Variants in ONECUT2 observed in about 807,000 individuals in gnomAD.
The protein encoded by ONECUT2 is one cut homeobox 2.
A neutral mutation model predicts 27.9 loss-of-function variants in ONECUT2; 10 were observed. That is an observed-to-expected ratio of 0.36 (90% confidence interval 0.22 to 0.61). The LOEUF is 0.61. ONECUT2 is among the 20% of genes least tolerant of loss of function. The pLI, the probability that ONECUT2 is intolerant of heterozygous loss-of-function variation, is 0.73. For missense variants in ONECUT2, 686 were observed against 721.0 expected (o/e 0.95, Z 0.56); for synonymous variants, 334 against 315.1 (o/e 1.06, Z -0.64).
In ONECUT2 at chr18:57,485,302, A is replaced by G. The variant is rs2050432814; in HGVS notation, c.*8579A>G. The stretch of plus-strand genomic sequence containing the variant: ...GTGTTTACATTTCATTTCTAAGCCA[A>G]CTCTGTATTTATGAGAGAAGTTTAA... On this transcript the variant is annotated 3_prime_UTR_variant, in exon 2 of 2. Transcript: ENST00000491143. 6.6e-6 allele frequency: 1 copy of G among 152,030 alleles called. No homozygotes were observed. Among genetic ancestry groups the G allele is most frequent in the Admixed American group, 6.6e-5 (1 of 15,254 alleles). The allele number at this position is 152,030 out of a possible 1,614,324, so 9.4% of individuals were successfully genotyped here.
chr18:57,463,736 T>C (rs181022335), intron 1 of ONECUT2, among the ~76,000 whole-genome samples: 10 of 152,282 alleles, frequency 6.6e-5, no homozygotes, highest in Non-Finnish European at 1.3e-4. Context: ...CTATTGTAAA[T>C]GATATCATTT....
chr18:57,486,199 C>T lies in ONECUT2; in HGVS notation c.*9476C>T, dbSNP rs375090729. On this transcript the variant is annotated 3_prime_UTR_variant, in exon 2 of 2. Coordinates refer to ENST00000491143, the MANE Select transcript of ONECUT2 (RefSeq NM_004852.3). The stretch of plus-strand genomic sequence containing the variant: ...TGCAAAGTGTGACATAACCACGGGA[C>T]GAGTGCCTTGCTTGAACCAAAGCAA... 1 of 152,648 alleles carries T rather than the reference C, an allele frequency of 6.6e-6. No homozygotes were observed. Among genetic ancestry groups the T allele is most frequent in the Non-Finnish European group, 1.5e-5 (1 of 68,050 alleles). 9.5% of individuals were successfully genotyped at this position (152,648 alleles called of 1,614,324 possible). A position where few individuals can be genotyped will look rare whatever the true frequency, so the allele number is the denominator to read the frequency against.
chr18:57,436,846 C>A lies in ONECUT2; in HGVS notation c.1130C>A (p.Pro377Gln). The change falls in exon 1 of 2, where the codon CCG (proline) becomes CAG (glutamine). Residue 377 changes from proline to glutamine, a missense_variant. Physicochemically the swap from Pro to Gln is moderately conservative, Grantham distance 76. This residue lies in a region of ONECUT2 where 47 missense variants were observed against 86.0 expected (regional missense o/e 0.55). Transcript: ENST00000491143. This position sits in a 1 kb window ranked among gnomAD's most constrained non-coding sequence, Gnocchi z 5.9. ...TCCGACCTGCTCCGGAATCCAAAAC[C>A]GTGGAGTAAACTCAAATCTGGCAGG... The part of the protein sequence containing the change: ...TLSDLLRNPK[P>Q]WSKLKSGRET... 6.2e-7 allele frequency: 1 copy of A among 1,613,968 alleles called. No homozygotes were observed. The highest frequency in any genetic ancestry group is 1.6e-4 in the Middle Eastern group (1 of 6,062).
rs79531488 is a variant in ONECUT2, at chr18:57,444,888, G to C, written c.1228+7944G>C. Among the ~76,000 whole-genome samples, 1,024 of 152,264 alleles carry C rather than the reference G, an allele frequency of 6.7e-3. 13 individuals are homozygous for C. The highest frequency in any genetic ancestry group is 0.024 in the African/African-American group (984 of 41,540). On this transcript the variant is annotated intron_variant, in intron 1 of 1. Coordinates refer to ENST00000491143, the MANE Select transcript of ONECUT2 (RefSeq NM_004852.3). ...AAAAATGGGAAGGGGGGTGGGAAGA[G>C]AGGGGGTCAGGAGGCAGAATTGTGG...
intron 1 of ONECUT2, among the ~76,000 whole-genome samples, chr18:57,440,451 G>C (rs2050168110): frequency 6.6e-6 from 1 of 152,188 alleles, no homozygotes; most frequent in Non-Finnish European, 1.5e-5. Context: ...AGAGGTTTCC[G>C]CCTCCAGTGA....
chr18:57,474,644 C>T (rs1402532060), intron 1 of ONECUT2, among the ~76,000 whole-genome samples: 3 of 152,136 alleles, frequency 2.0e-5, no homozygotes, highest in Non-Finnish European at 2.9e-5. Context: ...CCAATCACCT[C>T]CCAAAGGCCC....
At position 57,437,490 on chromosome 18, in the gene ONECUT2, A is replaced by T. The variant is rs546117206; in HGVS notation, c.1228+546A>T. 3.3e-5 allele frequency among the ~76,000 whole-genome samples: 5 copies of T among 152,308 alleles called. No individual in the cohort carries two copies. The East Asian group carries it at 9.6e-4, about 29-fold the overall frequency. On this transcript the variant is annotated intron_variant, in intron 1 of 1. Transcript: ENST00000491143. ...ACTCTCCCACCCACCATATAGGCAA[A>T]CTTATTTGGTCATTGGCTGAAGGCA...
chr18:57,488,104 G>A lies in ONECUT2; in HGVS notation c.*11381G>A, dbSNP rs1284090416. The stretch of plus-strand genomic sequence containing the variant: ...GAGGGTATATTGGGAACGTGCTCTC[G>A]TGAATAATAAAAAGCAACATATTTT... On this transcript the variant is annotated 3_prime_UTR_variant, in exon 2 of 2. Coordinates refer to ENST00000491143, the MANE Select transcript of ONECUT2 (RefSeq NM_004852.3). 3 of 152,646 alleles carry A rather than the reference G, an allele frequency of 2.0e-5. No homozygotes were observed. Among genetic ancestry groups the A allele is most frequent in the East Asian group, 3.9e-4 (2 of 5,184 alleles). 9.5% of individuals were successfully genotyped at this position (152,646 alleles called of 1,614,324 possible).
At chr18:57,452,079 A>G (rs1161135992) in intron 1 of ONECUT2, among the ~76,000 whole-genome samples, 2 of 152,176 alleles carry the variant, frequency 1.3e-5, no homozygotes, top group East Asian at 1.9e-4. Flanking sequence ...AGGATGTCCA[A>G]TAGTATAGGG....
At chr18:57,446,058 G>A (rs2050199181) in intron 1 of ONECUT2, among the ~76,000 whole-genome samples, 1 of 152,192 alleles carries the variant, frequency 6.6e-6, no homozygotes, top group African/African-American at 2.4e-5. Flanking sequence ...CTTGTGTGCT[G>A]CAAAAGCCAA....
chr18:57,464,680 G>C (rs1394619549), intron 1 of ONECUT2, among the ~76,000 whole-genome samples: 1 of 152,112 alleles, frequency 6.6e-6, no homozygotes, highest in Non-Finnish European at 1.5e-5. Context: ...TTGAGATTTG[G>C]TTGTGAATGG....
intron 1 of ONECUT2, among the ~76,000 whole-genome samples, chr18:57,450,653 T>C (rs1429015811): frequency 6.6e-6 from 1 of 152,144 alleles, no homozygotes; most frequent in Non-Finnish European, 1.5e-5. Flanking sequence ...GATGGAAAAT[T>C]TTACCCACCT....
At chr18:57,467,274 C>A in intron 1 of ONECUT2, 1 of 434,080 alleles carries the variant, frequency 2.3e-6, no homozygotes, top group Non-Finnish European at 4.7e-6. Flanking sequence ...GCTTCGACAT[C>A]CAAGTGAAAG....
In ONECUT2 at chr18:57,481,021, T is replaced by C. The variant is rs1486148296; in HGVS notation, c.*4298T>C. The C allele has an allele frequency of 6.6e-6, 1 of 152,214 alleles. No homozygotes were observed. The allele number at this position is 152,214 out of a possible 1,614,324, so 9.4% of individuals were successfully genotyped here. A position where few individuals can be genotyped will look rare whatever the true frequency, so the allele number is the denominator to read the frequency against. On this transcript the variant is annotated 3_prime_UTR_variant, in exon 2 of 2. Coordinates refer to ENST00000491143, the MANE Select transcript of ONECUT2 (RefSeq NM_004852.3). Reference sequence around the variant, plus strand: ...ACAGAAATCAAAACACTCAGAGCCATTGAGTGGAAAAACAATTTACTTTAT... The same window carrying C: ...ACAGAAATCAAAACACTCAGAGCCACTGAGTGGAAAAACAATTTACTTTAT...
At chr18:57,449,160 T>A (rs2050216265) in intron 1 of ONECUT2, among the ~76,000 whole-genome samples, 1 of 152,180 alleles carries the variant, frequency 6.6e-6, no homozygotes, top group South Asian at 2.1e-4. Flanking sequence ...TTTGTGAAGT[T>A]TTCTCTGTCC....
chr18:57,487,224 C>T lies in ONECUT2; in HGVS notation c.*10501C>T, dbSNP rs140528389. 1.7e-3 allele frequency: 265 copies of T among 152,570 alleles called. 1 individual carries two copies. The highest frequency in any genetic ancestry group is 5.9e-3 in the African/African-American group (246 of 41,538). 9.5% of individuals were successfully genotyped at this position (152,570 alleles called of 1,614,324 possible). A position where few individuals can be genotyped will look rare whatever the true frequency, so the allele number is the denominator to read the frequency against. ...TGGGTTCCAGCTTTATAATGAGAAA[C>T]GTTATTCCTAATTTTTGAGTTAGCC... On this transcript the variant is annotated 3_prime_UTR_variant, in exon 2 of 2. Transcript: ENST00000491143.
At chr18:57,467,250 G>A (rs1040336327) in intron 1 of ONECUT2, 28 of 451,206 alleles carry the variant, frequency 6.2e-5, no homozygotes, top group Non-Finnish European at 1.2e-4. Context: ...TTGCTCTAGC[G>A]CTTGTCAAGA....
In ONECUT2 at chr18:57,456,830, G is replaced by T. The variant is rs184578781; in HGVS notation, c.1229-19607G>T. 1.9e-4 allele frequency among the ~76,000 whole-genome samples: 29 copies of T among 152,256 alleles called. No individual in the cohort carries two copies. In the East Asian group the frequency reaches 3.7e-3, roughly 19 times the overall value. ...AAAATTAAAAATAGAAAAACAAAAA[G>T]CCAGGTGCGGTGGCATGTACCTGCA... On this transcript the variant is annotated intron_variant, in intron 1 of 1. Coordinates refer to ENST00000491143, the MANE Select transcript of ONECUT2 (RefSeq NM_004852.3).
intron 1 of ONECUT2, among the ~76,000 whole-genome samples, chr18:57,475,448 G>A (rs149871322): frequency 9.2e-5 from 14 of 151,980 alleles, no homozygotes; most frequent in Non-Finnish European, 1.6e-4. Flanking sequence ...CTGAGACACC[G>A]AACCTGTCTG....
Sources: gnomAD v4.1 joint callset for allele counts (sites outside exome capture counted in the v4.1 genomes callset) on GRCh38, gnomAD v4.1.1 for gene constraint, gnomAD v4.1.1 regional missense constraint, Gnocchi (gnomAD v3.1) non-coding constraint, MANE v1.5 for transcripts, NCBI Gene and HGNC (gene_info 2026-07-23, HGNC 2026-07-21) for gene names.